Variants in ZNF426 observed in about 807,000 individuals in gnomAD.
ZNF426 encodes CTC-543D15.7.
ZNF426 carries 23 observed loss-of-function variants against 24.0 expected under a neutral mutation model. The ratio of observed to expected loss-of-function variants is 0.96; its 90% CI spans 0.69 to 1.36. The LOEUF (loss-of-function observed/expected upper bound fraction) is 1.36. Ranked by LOEUF, ZNF426 falls within the 40% of genes most tolerant of loss-of-function variation. The pLI, the probability that ZNF426 is intolerant of heterozygous loss-of-function variation, is 0.00. For missense variants in ZNF426, 646 were observed against 658.4 expected (o/e 0.98, Z 0.21); for synonymous variants, 272 against 224.6 (o/e 1.21, Z -1.89).
rs935515417 is a variant in ZNF426 at position 9,523,990 on chromosome 19, G to A, written c.*4390C>T. The A allele has an allele frequency of 3.9e-5, 6 of 152,224 alleles. No individual in the cohort carries two copies. Among genetic ancestry groups the A allele is most frequent in the Admixed American group, 3.9e-4 (6 of 15,272 alleles). The allele number at this position is 152,224 out of a possible 1,614,324, so 9.4% of individuals were successfully genotyped here. A position where few individuals can be genotyped will look rare whatever the true frequency, so the allele number is the denominator to read the frequency against. Reference sequence around the variant, plus strand: ...ATTGCATATGAATATTAAAGCTTGTGGAACATAAAAGGGTTTTCCCACAAT... The same window carrying A: ...ATTGCATATGAATATTAAAGCTTGTAGAACATAAAAGGGTTTTCCCACAAT... On this transcript the variant is annotated 3_prime_UTR_variant, in exon 8 of 8. Transcript: ENST00000253115.
At position 9,528,492 on chromosome 19, in the gene ZNF426, G is replaced by C; in HGVS notation, c.1553C>G (p.Ser518Cys). 2 of 1,614,114 alleles carry C rather than the reference G, an allele frequency of 1.2e-6. No homozygotes were observed. The highest frequency in any genetic ancestry group is 2.2e-5 in the East Asian group (1 of 44,874). Reference sequence around the variant, plus strand: ...GTGAGTTTTTTCATGAATTCTAAAGGAACTGGAACACGTGAAGGCTTTCCC... The same window carrying C: ...GTGAGTTTTTTCATGAATTCTAAAGCAACTGGAACACGTGAAGGCTTTCCC... ...ECGKAFTCSSSFRIHEKTHTE... is the reference protein window; with the variant it reads ...ECGKAFTCSSCFRIHEKTHTE... The change falls in exon 8 of 8, where the codon TCC (serine) becomes TGC (cysteine). Residue 518 changes from serine to cysteine, a missense_variant. Physicochemically the swap from Ser to Cys is moderately radical, Grantham distance 112. Coordinates refer to ENST00000253115, the MANE Select transcript of ZNF426 (RefSeq NM_024106.3).
intron 2 of ZNF426, among the ~76,000 whole-genome samples, chr19:9,537,896 T>A (rs1446832638): frequency 2.0e-5 from 3 of 152,146 alleles, no homozygotes; most frequent in African/African-American, 7.2e-5. Flanking sequence ...CCAACCATCC[T>A]GTTCATTGTA....
intron 2 of ZNF426, among the ~76,000 whole-genome samples, chr19:9,537,844 G>A (rs1265691261): frequency 6.6e-6 from 1 of 151,876 alleles, no homozygotes; most frequent in Non-Finnish European, 1.5e-5. Flanking sequence ...AGTAGAGACG[G>A]GGTTTCACCA....
chr19:9,532,875 A>T lies in ZNF426; in HGVS notation c.295T>A (p.Ser99Thr). The T allele has an allele frequency of 6.2e-7, 1 of 1,613,804 alleles. No individual in the cohort carries two copies. ...AGAACTCCTCCCTGAACTGTCCTTG[A>T]CTCTTCTTGTTCCAACCAAGAGATT... is the stretch of plus-strand genomic sequence containing the variant. ...SLISWLEQEE[S>T]RTVQGGVLQG... Residue 99 changes from serine (S) to threonine (T), a missense_variant, in exon 6 of 8, where the codon TCA becomes ACA. Ser to Thr is a moderately conservative substitution (Grantham distance 58, BLOSUM62 1). Transcript: ENST00000253115.
At position 9,528,986 on chromosome 19, in the gene ZNF426, C is replaced by T; in HGVS notation, c.1059G>A (p.Met353Ile). ...KAFTQYSGLS[M>I]HVRSHSGDKP... The stretch of plus-strand genomic sequence containing the variant: ...TGTCTCCACTGTGAGATCGTACATG[C>T]ATACTAAGGCCCGAGTACTGAGTGA... Residue 353 changes from methionine to isoleucine, a missense_variant, in exon 8 of 8, where the codon ATG becomes ATA. Met to Ile is a conservative substitution (Grantham distance 10). Coordinates refer to ENST00000253115, the MANE Select transcript of ZNF426 (RefSeq NM_024106.3). 1 of 1,613,440 alleles carries T rather than the reference C, an allele frequency of 6.2e-7. No homozygotes were observed. The highest frequency in any genetic ancestry group is 1.1e-5 in the South Asian group (1 of 91,040).
intron 2 of ZNF426, among the ~76,000 whole-genome samples, chr19:9,537,440 A>T (rs1282386608): frequency 2.9e-5 from 4 of 137,066 alleles, no homozygotes; most frequent in East Asian, 2.2e-4. Flanking sequence ...ATCTGTATAG[A>T]ATATTTAACT....
intron 4 of ZNF426, among the ~76,000 whole-genome samples, chr19:9,534,686 C>G (rs562692715): frequency 1.6e-4 from 24 of 152,058 alleles, no homozygotes; most frequent in African/African-American, 5.8e-4. Flanking sequence ...CCTCAACCTC[C>G]AGGGCTGAAG....
In ZNF426 at chr19:9,529,144, T is replaced by G. The variant is rs778699385; in HGVS notation, c.901A>C (p.Thr301Pro). 1 of 1,614,240 alleles carries G rather than the reference T, an allele frequency of 6.2e-7. No homozygotes were observed. Among genetic ancestry groups the G allele is most frequent in the East Asian group, 2.2e-5 (1 of 44,886 alleles). The stretch of plus-strand genomic sequence containing the variant: ...TCATATGGTTTCTCCCCAGTGTGGG[T>G]TCGCATGTGAATACTGAGGTAGGCT... ...YPAYLSIHMR[T>P]HTGEKPYECK... The change falls in exon 8 of 8, where the codon ACC becomes CCC. Residue 301 changes from threonine (T) to proline (P), a missense_variant. Transcript: ENST00000253115.
chr19:9,533,102 G>A (rs867731363), intron 5 of ZNF426, among the ~76,000 whole-genome samples, 177 bp from the exon 6 acceptor site: 4 of 152,160 alleles, frequency 2.6e-5, no homozygotes, highest in East Asian at 1.9e-4. Context: ...CCCCTAAACC[G>A]AAATTCAGGC....
intron 6 of ZNF426, among the ~76,000 whole-genome samples, chr19:9,532,173 G>A (rs1392213221): frequency 2.6e-5 from 4 of 151,468 alleles, no homozygotes; most frequent in Non-Finnish European, 4.4e-5. Context: ...ACAAAAGGAT[G>A]ATTCACACCC....
rs2073966030 is a variant in ZNF426 at position 9,536,386 on chromosome 19, A to G, written c.-124-30T>C. ...TGGTATTAATCAATAATCAACAAGC[A>G]GTACTTAATCATCAGCCATCAAACA... On this transcript the variant is annotated intron_variant, in intron 2 of 7. Transcript: ENST00000253115. 1.9e-6 allele frequency: 3 copies of G among 1,543,216 alleles called. No individual in the cohort carries two copies. In the African/African-American group the frequency reaches 4.1e-5, roughly 21 times the overall value.
Position 9,531,020 on chromosome 19 carries a change from A to T in ZNF426, c.373T>A (p.Phe125Ile), listed in dbSNP as rs372011644. The T allele has an allele frequency of 4.9e-5, 79 of 1,614,130 alleles. No homozygotes were observed. In the South Asian group the frequency reaches 7.9e-4, roughly 16 times the overall value. ...CCAATGGATGTCTGACCCCTCAAAAAGTCCTGCTGAAGTATAGACCACTGG... is the reference window on the plus strand; with the variant it reads ...CCAATGGATGTCTGACCCCTCAAAATGTCCTGCTGAAGTATAGACCACTGG... ...ETQWSILQQD[F>I]LRGQTSIGIQ... is the part of the protein sequence containing the mutation. Residue 125 changes from phenylalanine to isoleucine, a missense_variant, in exon 7 of 8, where the codon TTT becomes ATT. By Grantham distance (21) the Phe-to-Ile change is conservative (BLOSUM62 0). Transcript: ENST00000253115.
chr19:9,536,576 A>G (rs576326496), intron 2 of ZNF426: 1 of 308,766 alleles, frequency 3.2e-6, no homozygotes, highest in South Asian at 4.3e-5. Flanking sequence ...ACAAAAAAAA[A>G]TGAAGTGGTA....
At chr19:9,533,168 G>A (rs999015670) in intron 5 of ZNF426, among the ~76,000 whole-genome samples, 3 of 152,294 alleles carry the variant, frequency 2.0e-5, no homozygotes, top group East Asian at 1.9e-4. Flanking sequence ...AATAATGGCC[G>A]AGTGTGGTGG....
rs753076411 is a variant in ZNF426 at position 9,533,834 on chromosome 19, T to C, written c.244+6A>G. On this transcript the variant is annotated splice_donor_region_variant and intron_variant, in intron 5 of 7. Coordinates refer to ENST00000253115, the MANE Select transcript of ZNF426 (RefSeq NM_024106.3). Reference sequence around the variant, plus strand: ...AGAAGGCTGCAAGGGATGAGGCCAGTCTTACCTACTGTGGCCAGGTTCTTG... The same window carrying C: ...AGAAGGCTGCAAGGGATGAGGCCAGCCTTACCTACTGTGGCCAGGTTCTTG... 2 of 1,614,046 alleles carry C rather than the reference T, an allele frequency of 1.2e-6. No individual in the cohort carries two copies. The highest frequency in any genetic ancestry group is 1.7e-5 in the Admixed American group (1 of 60,006).
chr19:9,536,056 G>C lies in ZNF426; in HGVS notation c.25+152C>G, dbSNP rs1454308990. On this transcript the variant is annotated intron_variant, in intron 3 of 7. Transcript: ENST00000253115. ...GCAGTACCTCTTTCCAAAATTCACA[G>C]GCAGAGCCTGACTCACAAGACAGCA... The C allele has an allele frequency of 4.7e-6, 4 of 856,276 alleles. No homozygotes were observed. In the East Asian group the frequency reaches 1.0e-4, roughly 22 times the overall value. 53.0% of individuals were successfully genotyped at this position (856,276 alleles called of 1,614,324 possible).
rs1410948593 is a variant in ZNF426, at chr19:9,530,968, T to C, written c.408+17A>G. On this transcript the variant is annotated intron_variant, in intron 7 of 7. Transcript: ENST00000253115. ...CTCTGAGGGTGGAAAATAAAAAATA[T>C]CCTATGCAAATCTTACCAATTGTAT... The C allele has an allele frequency of 6.3e-7, 1 of 1,596,132 alleles. No homozygotes were observed. The highest frequency in any genetic ancestry group is 8.6e-7 in the Non-Finnish European group (1 of 1,164,240).
At position 9,536,266 on chromosome 19, in the gene ZNF426, T is replaced by C; in HGVS notation, c.-34A>G. ...GTGAGAACGTGTCAGAACCCTCCTT[T>C]CATTGATGTCACCATCACTTCAGGA... is the stretch of plus-strand genomic sequence containing the variant. On this transcript the variant is annotated 5_prime_UTR_variant, in exon 3 of 8. Coordinates refer to ENST00000253115, the MANE Select transcript of ZNF426 (RefSeq NM_024106.3). The C allele has an allele frequency of 1.2e-6, 2 of 1,614,230 alleles. No homozygotes were observed. The highest frequency in any genetic ancestry group is 1.7e-6 in the Non-Finnish European group (2 of 1,180,036).
At position 9,528,474 on chromosome 19, in the gene ZNF426, T is replaced by C; in HGVS notation, c.1571A>G (p.Lys524Arg). The change falls in exon 8 of 8, where the codon AAA (lysine) becomes AGA (arginine). Residue 524 changes from lysine to arginine, a missense_variant. Coordinates refer to ENST00000253115, the MANE Select transcript of ZNF426 (RefSeq NM_024106.3). ...TCSSSFRIHE[K>R]THTEEKPYKC... ...ATAGGGTTTCTCTTCTGTGTGAGTTTTTTCATGAATTCTAAAGGAACTGGA... is the reference window on the plus strand; with the variant it reads ...ATAGGGTTTCTCTTCTGTGTGAGTTCTTTCATGAATTCTAAAGGAACTGGA... 1.2e-6 allele frequency: 2 copies of C among 1,614,084 alleles called. No homozygotes were observed. Among genetic ancestry groups the C allele is most frequent in the African/African-American group, 2.7e-5 (2 of 75,020 alleles).
Sources: allele counts gnomAD v4.1 joint callset (sites outside exome capture counted in the v4.1 genomes callset), GRCh38; gene constraint gnomAD v4.1.1; transcripts MANE v1.5; gene names NCBI Gene and HGNC (gene_info 2026-07-23, HGNC 2026-07-21).